PIK3C2G: variants seen among roughly 807,000 people sequenced by gnomAD.
PIK3C2G encodes the protein phosphatidylinositol-4-phosphate 3-kinase catalytic subunit type 2 gamma.
A neutral mutation model predicts 181.1 loss-of-function variants in PIK3C2G; 168 were observed. The ratio of observed to expected loss-of-function variants is 0.93; its 90% confidence interval spans 0.82 to 1.05. PIK3C2G has a LOEUF of 1.05. PIK3C2G is among the 50% of genes least tolerant of loss of function. PIK3C2G has a pLI of 0.00. For missense variants in PIK3C2G, 1,869 were observed against 1,732.8 expected (o/e 1.08, Z -1.40); for synonymous variants, 573 against 592.2 (o/e 0.97, Z 0.47).
intron 29 of PIK3C2G, among the ~76,000 whole-genome samples, chr12:18,581,494 T>C (rs1276481076): frequency 6.6e-6 from 1 of 152,160 alleles, no homozygotes; most frequent in Admixed American, 6.6e-5. Flanking sequence ...GTTCCAAATA[T>C]CTAACAACTC....
intron 5 of PIK3C2G, among the ~76,000 whole-genome samples, chr12:18,300,633 G>A (rs1950137100): frequency 6.6e-6 from 1 of 152,050 alleles, no homozygotes; most frequent in South Asian, 2.1e-4. Context: ...ATTGATAGGT[G>A]AGGACTTATT....
intron 8 of PIK3C2G, among the ~76,000 whole-genome samples, chr12:18,332,414 C>G (rs559777095): frequency 6.6e-6 from 1 of 152,256 alleles, no homozygotes; most frequent in East Asian, 1.9e-4. Context: ...TAGGCAGACT[C>G]TGTGTACTTG....
intron 18 of PIK3C2G, among the ~76,000 whole-genome samples, chr12:18,436,854 T>C (rs1313415791): frequency 6.6e-6 from 1 of 152,020 alleles, no homozygotes; most frequent in Non-Finnish European, 1.5e-5. Context: ...CCGTTCATAG[T>C]GTGAGTTGTT....
At chr12:18,494,749 T>C (rs868119743) in intron 20 of PIK3C2G, among the ~76,000 whole-genome samples, 4 of 152,186 alleles carry the variant, frequency 2.6e-5, no homozygotes, top group Admixed American at 2.0e-4. Flanking sequence ...CCATGATATA[T>C]GGTCATGTGA....
At chr12:18,456,079 C>T (rs538726026) in intron 18 of PIK3C2G, among the ~76,000 whole-genome samples, 5 of 152,208 alleles carry the variant, frequency 3.3e-5, no homozygotes, top group African/African-American at 1.2e-4. Context: ...AGACACAAGT[C>T]CTTGTTCTCA....
chr12:18,364,265 G>T (rs1380901223), intron 12 of PIK3C2G, among the ~76,000 whole-genome samples: 1 of 152,168 alleles, frequency 6.6e-6, no homozygotes, highest in African/African-American at 2.4e-5. Context: ...TCAGGCCTCT[G>T]CCAGGGATCC....
At chr12:18,488,710 C>CAAATTCCT (rs1592387384) in intron 19 of PIK3C2G, 81 bp downstream of exon 19, 5 of 882,822 alleles carry the variant, frequency 5.7e-6, no homozygotes, top group Non-Finnish European at 7.8e-6. Flanking sequence ...GTTTGCAAAG[C>CAAATTCCT]AAATTCCTTG....
intron 22 of PIK3C2G, among the ~76,000 whole-genome samples, chr12:18,498,445 TA>T (rs1941183953): frequency 6.6e-6 from 1 of 152,234 alleles, no homozygotes; most frequent in Non-Finnish European, 1.5e-5. Context: ...TAAATTTTTT[TA>T]CATATAACCA....
intron 32 of PIK3C2G, among the ~76,000 whole-genome samples, chr12:18,646,297 T>C (rs1182417535): frequency 2.0e-5 from 3 of 152,156 alleles, no homozygotes; most frequent in Admixed American, 1.3e-4. Flanking sequence ...GAAAATATCA[T>C]TGTGAATGAG....
chr12:18,567,731 G>A (rs1945713601), intron 29 of PIK3C2G, among the ~76,000 whole-genome samples: 1 of 152,026 alleles, frequency 6.6e-6, no homozygotes, highest in Admixed American at 6.6e-5. Context: ...AAATTTATGA[G>A]TGAGAAAAAC....
intron 17 of PIK3C2G, among the ~76,000 whole-genome samples, chr12:18,421,235 A>G (rs532666978): frequency 6.6e-6 from 1 of 151,440 alleles, no homozygotes; most frequent in South Asian, 2.1e-4. Context: ...TCCAAAAAGG[A>G]AAATTTTTTA....
intron 30 of PIK3C2G, among the ~76,000 whole-genome samples, chr12:18,599,631 T>C (rs1023978548): frequency 1.1e-4 from 16 of 150,638 alleles, no homozygotes; most frequent in Non-Finnish European, 2.1e-4. Context: ...ACATGTACCC[T>C]AAAACTTAAA....
At chr12:18,654,809 G>A in the PIK3C2G span, among the ~76,000 whole-genome samples, 11 of 152,170 alleles carry the variant, frequency 7.2e-5, no homozygotes, top group East Asian at 1.9e-4. Flanking sequence ...GACAAACATC[G>A]AACTCACCGA....
chr12:18,704,093 G>A, the PIK3C2G span, among the ~76,000 whole-genome samples: 24 of 152,210 alleles, frequency 1.6e-4, no homozygotes, highest in Admixed American at 7.9e-4. Flanking sequence ...TAAAGAATGT[G>A]GTGTTACAAC....
intron 16 of PIK3C2G, among the ~76,000 whole-genome samples, chr12:18,410,937 A>G (rs1451867903): frequency 2.0e-5 from 3 of 152,188 alleles, no homozygotes; most frequent in Non-Finnish European, 4.4e-5. Flanking sequence ...TTAATTGTAA[A>G]TAGCAATTTT....
chr12:18,299,440 GGT>G (rs932334064), intron 5 of PIK3C2G, among the ~76,000 whole-genome samples: 2 of 151,844 alleles, frequency 1.3e-5, no homozygotes, highest in South Asian at 2.1e-4. Context: ...AGAGTTTTTT[GGT>G]GGAATCTTCA....
At chr12:18,333,433 C>T (rs909414156) in intron 8 of PIK3C2G, among the ~76,000 whole-genome samples, 2 of 152,090 alleles carry the variant, frequency 1.3e-5, no homozygotes, top group Non-Finnish European at 2.9e-5. Flanking sequence ...TCTCTCCCTC[C>T]TCTAACCCCC....
chr12:18,568,452 A>G (rs1355378620), intron 29 of PIK3C2G, among the ~76,000 whole-genome samples: 1 of 151,462 alleles, frequency 6.6e-6, no homozygotes, highest in Non-Finnish European at 1.5e-5. Context: ...GAAAAGAAGA[A>G]ATTTGTTTAA....
chr12:18,623,131 T>G (rs1400692432), intron 31 of PIK3C2G, among the ~76,000 whole-genome samples: 1 of 151,868 alleles, frequency 6.6e-6, no homozygotes, highest in Non-Finnish European at 1.5e-5. Context: ...ACCAATGTCA[T>G]GTAGATTTTT....
Sources: gnomAD v4.1 joint callset for allele counts (sites outside exome capture counted in the v4.1 genomes callset) on GRCh38, gnomAD v4.1.1 for gene constraint, MANE v1.5 for transcripts, NCBI Gene and HGNC (gene_info 2026-07-23, HGNC 2026-07-21) for gene names.